Variants in MEMO1 observed in about 807,000 individuals in gnomAD.
MEMO1 encodes the protein mediator of cell motility 1.
MEMO1 carries 6 observed loss-of-function variants against 45.2 expected under a neutral mutation model. That is an observed-to-expected ratio of 0.13 (90% confidence interval 0.07 to 0.26). MEMO1 has a LOEUF of 0.26. Among genes scored for constraint, MEMO1 ranks in the 10% least tolerant of loss-of-function variants. MEMO1 has a pLI of 1.00. For missense variants in MEMO1, 184 were observed against 370.5 expected, an observed-to-expected ratio of 0.50 and a Z score of 4.13; for synonymous variants, 78 against 124.3, an observed-to-expected ratio of 0.63 and a Z score of 2.48.
intron 3 of MEMO1, among the ~76,000 whole-genome samples, chr2:31,939,758 T>C (rs537257820): frequency 3.9e-5 from 6 of 152,200 alleles, no homozygotes; most frequent in African/African-American, 1.4e-4. Context: ...TCACTTCATA[T>C]ACAAACACTT....
chr2:32,003,886 T>C (rs1190221324), intron 2 of MEMO1, among the ~76,000 whole-genome samples: 1 of 152,132 alleles, frequency 6.6e-6, no homozygotes, highest in South Asian at 2.1e-4. Context: ...ACACCATCTC[T>C]ACAAAAAATT....
At chr2:31,960,056 G>C (rs948811073) in intron 2 of MEMO1, among the ~76,000 whole-genome samples, 1 of 152,170 alleles carries the variant, frequency 6.6e-6, no homozygotes, top group Non-Finnish European at 1.5e-5. Flanking sequence ...AATCAGCCGG[G>C]TGTGGCGGCG....
At chr2:31,982,955 T>C (rs1214504928) in intron 2 of MEMO1, among the ~76,000 whole-genome samples, 2 of 151,484 alleles carry the variant, frequency 1.3e-5, no homozygotes, top group South Asian at 2.1e-4. Flanking sequence ...TTAATATACA[T>C]AGGCCAGGTG....
intron 2 of MEMO1, among the ~76,000 whole-genome samples, chr2:32,005,179 G>C (rs1673904858): frequency 6.6e-6 from 1 of 151,886 alleles, no homozygotes. Flanking sequence ...AAGGAGCCAG[G>C]TGCAGTGGCT....
chr2:31,998,693 G>A (rs1672897833), intron 2 of MEMO1, among the ~76,000 whole-genome samples: 2 of 151,924 alleles, frequency 1.3e-5, no homozygotes, highest in East Asian at 1.9e-4. Flanking sequence ...CCAGCTACTC[G>A]GGAGGCTGAG....
At chr2:31,877,439 T>A (rs1241659119) in intron 8 of MEMO1, among the ~76,000 whole-genome samples, 1 of 152,192 alleles carries the variant, frequency 6.6e-6, no homozygotes, top group Non-Finnish European at 1.5e-5. Context: ...AAGACTGTTC[T>A]CCATCCATAA....
intron 2 of MEMO1, among the ~76,000 whole-genome samples, chr2:31,995,193 T>C (rs544477135): frequency 2.5e-4 from 38 of 152,244 alleles, no homozygotes; most frequent in Admixed American, 5.2e-4. Context: ...GGCTCACACC[T>C]GTAATCCCAG....
At chr2:31,910,755 G>C (rs1680443250) in intron 6 of MEMO1, among the ~76,000 whole-genome samples, 1 of 152,152 alleles carries the variant, frequency 6.6e-6, no homozygotes, top group Non-Finnish European at 1.5e-5. Context: ...AGCTACTCGA[G>C]AGGCTGAGGT....
At chr2:32,004,524 C>T (rs1230644700) in intron 2 of MEMO1, among the ~76,000 whole-genome samples, 1 of 152,154 alleles carries the variant, frequency 6.6e-6, no homozygotes, top group African/African-American at 2.4e-5. Context: ...ACTGACAATA[C>T]CAAGTGTTAG....
intron 2 of MEMO1, among the ~76,000 whole-genome samples, chr2:31,953,314 C>A (rs1288458117): frequency 1.4e-5 from 2 of 140,420 alleles, no homozygotes; most frequent in Admixed American, 7.7e-5. Flanking sequence ...TTGCAGTGGG[C>A]TGAGATCATG....
intron 3 of MEMO1, among the ~76,000 whole-genome samples, chr2:31,934,768 T>C (rs1664712857): frequency 6.6e-6 from 1 of 152,146 alleles, no homozygotes; most frequent in African/African-American, 2.4e-5. Context: ...GTTATTAGTC[T>C]AGTACTGAAA....
intron 3 of MEMO1, among the ~76,000 whole-genome samples, chr2:31,933,346 A>ATTTTCTATATAT (rs869211483): frequency 3.9e-5 from 1 of 25,518 alleles, no homozygotes; most frequent in Admixed American, 7.0e-4. Flanking sequence ...AAAAAAAAAA[A>ATTTTCTATATAT]AAATTTATAT....
chr2:31,905,282 G>A (rs1004986538), intron 6 of MEMO1, among the ~76,000 whole-genome samples: 80 of 152,078 alleles, frequency 5.3e-4, no homozygotes, highest in African/African-American at 1.8e-3. Flanking sequence ...GCAAAGAACT[G>A]GGGAAAAAAG....
intron 2 of MEMO1, among the ~76,000 whole-genome samples, chr2:31,994,584 T>C (rs902328294): frequency 2.0e-5 from 3 of 151,106 alleles, no homozygotes; most frequent in African/African-American, 7.3e-5. Flanking sequence ...TGAGCCGAGA[T>C]TGCACCACTG....
chr2:32,008,043 G>A (rs1254000394), intron 2 of MEMO1, among the ~76,000 whole-genome samples: 1 of 152,114 alleles, frequency 6.6e-6, no homozygotes, highest in Non-Finnish European at 1.5e-5. Context: ...TCAGAATTTA[G>A]GGAAATAAGA....
intron 8 of MEMO1, among the ~76,000 whole-genome samples, chr2:31,873,962 AG>A (rs1206230335): frequency 6.6e-6 from 1 of 152,156 alleles, no homozygotes; most frequent in African/African-American, 2.4e-5. Context: ...CTATTGGCTT[AG>A]GTTCAAGAGA....
At chr2:31,936,845 G>A (rs1363063447) in intron 3 of MEMO1, among the ~76,000 whole-genome samples, 1 of 152,156 alleles carries the variant, frequency 6.6e-6, no homozygotes, top group Non-Finnish European at 1.5e-5. Context: ...ACAAAGTCAG[G>A]TCCAATAGTC....
At chr2:32,002,168 A>AAT (rs1553383011) in intron 2 of MEMO1, among the ~76,000 whole-genome samples, 3,916 of 74,002 alleles carry the variant, frequency 0.053, 130 homozygotes, top group Non-Finnish European at 0.062. Context: ...AAAAAAAAAA[A>AAT]ATATATATAT....
At position 31,986,086 on chromosome 2, in the gene MEMO1, T is replaced by A. The variant is rs551009829; in HGVS notation, c.61+24101A>T. ...TTTCTTCCCTTCTCACTACTGCCTATTGTTTTTAAATTTAAATATAACTGT... is the reference window on the plus strand; with the variant it reads ...TTTCTTCCCTTCTCACTACTGCCTAATGTTTTTAAATTTAAATATAACTGT... On this transcript the variant is annotated intron_variant, in intron 2 of 9. Coordinates refer to ENST00000404530, the MANE Select transcript of MEMO1 (RefSeq NM_001301833.4). Among the ~76,000 whole-genome samples, 7 of 152,306 alleles carry A rather than the reference T, an allele frequency of 4.6e-5. No individual in the cohort carries two copies. In the East Asian group the frequency reaches 1.3e-3, roughly 29 times the overall value.
Sources: gnomAD v4.1 joint callset for allele counts (sites outside exome capture counted in the v4.1 genomes callset) on GRCh38, gnomAD v4.1.1 for gene constraint, MANE v1.5 for transcripts, NCBI Gene and HGNC (gene_info 2026-07-23, HGNC 2026-07-21) for gene names.